Variants in SH3KBP1 observed in about 807,000 individuals in gnomAD.
The protein encoded by SH3KBP1 is SH3 domain containing kinase binding protein 1.
In SH3KBP1, 8 loss-of-function variants were observed where a neutral mutation model predicts 50.1. That is an observed-to-expected ratio of 0.16 (90% CI 0.09 to 0.29). SH3KBP1 has a LOEUF of 0.29. Among genes scored for constraint, SH3KBP1 ranks in the 10% least tolerant of loss-of-function variants. SH3KBP1 has a pLI of 1.00. For missense variants in SH3KBP1, 377 were observed against 535.2 expected (o/e 0.70, Z 2.92); for synonymous variants, 227 against 218.6 (o/e 1.04, Z -0.34).
chrX:19,816,141 C>T (rs1442509460), intron 2 of SH3KBP1, among the ~76,000 whole-genome samples: 2 of 112,403 alleles, frequency 1.8e-5, no homozygotes, highest in East Asian at 2.8e-4. Flanking sequence ...GAACCAGTTT[C>T]TCTGCAACCT....
intron 5 of SH3KBP1, among the ~76,000 whole-genome samples, chrX:19,692,759 T>C (rs1417813422): frequency 9.6e-6 from 1 of 104,522 alleles, no homozygotes; most frequent in Non-Finnish European, 2.0e-5. Context: ...CATGGCTCAC[T>C]GCAACATCTG....
intron 4 of SH3KBP1, among the ~76,000 whole-genome samples, chrX:19,698,533 G>C (rs774274281): frequency 9.8e-5 from 11 of 111,948 alleles, no homozygotes; most frequent in Admixed American, 8.5e-4. Context: ...GTAAGTGGAG[G>C]GGCAGACAAT....
chrX:19,539,819 G>A (rs1198396968), intron 16 of SH3KBP1, among the ~76,000 whole-genome samples: 4 of 111,930 alleles, frequency 3.6e-5, no homozygotes, highest in Non-Finnish European at 7.5e-5. Flanking sequence ...CCAGACTGAC[G>A]TAGGCAGCAA....
At chrX:19,609,742 A>G (rs1285451477) in intron 8 of SH3KBP1, among the ~76,000 whole-genome samples, 2 of 111,928 alleles carry the variant, frequency 1.8e-5, no homozygotes, top group East Asian at 5.6e-4. Context: ...CAGCAAGGTG[A>G]GGAGCACATC....
chrX:19,793,977 A>G (rs1364890782), intron 2 of SH3KBP1, among the ~76,000 whole-genome samples: 1 of 110,784 alleles, frequency 9.0e-6, no homozygotes, highest in Non-Finnish European at 1.9e-5. Context: ...TTTCAGAGTG[A>G]AATGGTTTAT....
In SH3KBP1 at chrX:19,684,010, C is replaced by G. The variant is rs2063115747; in HGVS notation, c.539G>C (p.Gly180Ala). Residue 180 changes from glycine (G) to alanine (A), a missense_variant, in exon 6 of 18, where the codon GGC becomes GCC. Around this residue, in one of 3 missense-constraint regions of SH3KBP1, gnomAD observed 257 missense variants for 374.2 expected, o/e 0.69. Transcript: ENST00000397821. ...LSKSSLRETT[G>A]SESDGGDSSS... ...TGAGTCACCCCCATCACTCTCGGAG[C>G]CTGTGGTTTCCCTTAAACCTGTCAA... 8.3e-7 allele frequency: 1 copy of G among 1,209,679 alleles called. No homozygotes were observed. Among genetic ancestry groups the G allele is most frequent in the Non-Finnish European group, 1.1e-6 (1 of 894,211 alleles).
chrX:19,820,446 T>C (rs2067492605), intron 2 of SH3KBP1, among the ~76,000 whole-genome samples: 1 of 111,938 alleles, frequency 8.9e-6, no homozygotes, highest in Non-Finnish European at 1.9e-5. Flanking sequence ...ACTTTTATCA[T>C]TGTGTAATGT....
intron 6 of SH3KBP1, among the ~76,000 whole-genome samples, chrX:19,651,676 C>T (rs1235249921): frequency 8.9e-6 from 1 of 112,314 alleles, no homozygotes; most frequent in Non-Finnish European, 1.9e-5. Context: ...GTCAGATTCA[C>T]AGCTGCTGTA....
chrX:19,661,225 G>T (rs1365694057), intron 6 of SH3KBP1, among the ~76,000 whole-genome samples: 2 of 111,671 alleles, frequency 1.8e-5, no homozygotes, highest in African/African-American at 6.5e-5. Flanking sequence ...TAACATGGTA[G>T]ATTTAAACAT....
At chrX:19,790,987 G>A (rs2066512482) in intron 2 of SH3KBP1, among the ~76,000 whole-genome samples, 1 of 110,867 alleles carries the variant, frequency 9.0e-6, no homozygotes, top group African/African-American at 3.3e-5. Context: ...CTCTGTGGTT[G>A]AAAAAAGTAA....
chrX:19,555,439 G>A (rs925324347), intron 13 of SH3KBP1, among the ~76,000 whole-genome samples: 1 of 111,889 alleles, frequency 8.9e-6, no homozygotes, highest in Non-Finnish European at 1.9e-5. Flanking sequence ...CGCAGGTGAC[G>A]TAAAGCACAT....
At chrX:19,845,365 C>A (rs1044421143) in intron 1 of SH3KBP1, among the ~76,000 whole-genome samples, 9 of 107,422 alleles carry the variant, frequency 8.4e-5, no homozygotes, top group Admixed American at 8.1e-4. Flanking sequence ...GTAGTCCCCG[C>A]TACTCGGGAG....
In SH3KBP1 at chrX:19,534,273, G is replaced by T. The variant is rs1337582070; in HGVS notation, c.*2144C>A. On this transcript the variant is annotated 3_prime_UTR_variant, in exon 18 of 18. Transcript: ENST00000397821. The stretch of plus-strand genomic sequence containing the variant: ...AGCCCGAGGGGCCGCAATGAAGCTA[G>T]ACATACCAACTTCTCCTTCCAGAAT... 9.1e-6 allele frequency: 1 copy of T among 109,661 alleles called. No individual in the cohort carries two copies. The highest frequency in any genetic ancestry group is 3.3e-5 in the African/African-American group (1 of 30,107). The allele number at this position is 109,661 out of a possible 1,213,427, so 9.0% of individuals were successfully genotyped here. A position where few individuals can be genotyped will look rare whatever the true frequency, so the allele number is the denominator to read the frequency against.
At chrX:19,588,421 C>T in intron 12 of SH3KBP1, 1 of 1,135,416 alleles carries the variant, frequency 8.8e-7, no homozygotes, top group Non-Finnish European at 1.2e-6. Flanking sequence ...TCATGAAACC[C>T]ACACCGCACC....
rs1426463271 is a variant in SH3KBP1 at position 19,607,976 on chromosome X, C to T, written c.967G>A (p.Val323Met). 8.3e-7 allele frequency: 1 copy of T among 1,208,618 alleles called. No homozygotes were observed. The highest frequency in any genetic ancestry group is 1.1e-6 in the Non-Finnish European group (1 of 893,813). The change falls in exon 9 of 18, where the codon GTG becomes ATG. Residue 323 changes from valine (V) to methionine (M), a missense_variant. Val to Met is a conservative substitution (Grantham distance 21, BLOSUM62 1). Coordinates refer to ENST00000397821, the MANE Select transcript of SH3KBP1 (RefSeq NM_031892.3). ...GRRGVFPDNF[V>M]KLLPPDFEKE... ...TCAAAGTCCGGTGGAAGTAACTTCACGAAGTTATCGGGGAACACGCCTCGT... is the reference window on the plus strand; with the variant it reads ...TCAAAGTCCGGTGGAAGTAACTTCATGAAGTTATCGGGGAACACGCCTCGT...
chrX:19,649,206 C>A (rs775203827), intron 6 of SH3KBP1, among the ~76,000 whole-genome samples: 3 of 111,885 alleles, frequency 2.7e-5, no homozygotes, highest in African/African-American at 9.8e-5. Flanking sequence ...GGCTTATCCA[C>A]GACAAACACC....
At chrX:19,575,325 G>A (rs2066164975) in intron 12 of SH3KBP1, among the ~76,000 whole-genome samples, 1 of 111,860 alleles carries the variant, frequency 8.9e-6, no homozygotes, top group African/African-American at 3.3e-5. Flanking sequence ...GTGACCTGGG[G>A]TGAACCCTTG....
chrX:19,749,782 T>C (rs1426200478), intron 2 of SH3KBP1, among the ~76,000 whole-genome samples: 1 of 112,715 alleles, frequency 8.9e-6, no homozygotes, highest in African/African-American at 3.2e-5. Context: ...TGCTACTGAC[T>C]GTACACTTAA....
intron 2 of SH3KBP1, among the ~76,000 whole-genome samples, chrX:19,825,532 C>T (rs1275028225): frequency 9.0e-6 from 1 of 111,149 alleles, no homozygotes; most frequent in Admixed American, 9.6e-5. Context: ...CACTGATATG[C>T]CTCAGTTACC....
Sources: gnomAD v4.1 joint callset for allele counts (sites outside exome capture counted in the v4.1 genomes callset) on GRCh38, gnomAD v4.1.1 for gene constraint, gnomAD v4.1.1 regional missense constraint, MANE v1.5 for transcripts, NCBI Gene and HGNC (gene_info 2026-07-23, HGNC 2026-07-21) for gene names.